Variants in RFX6 observed in about 807,000 individuals in gnomAD.
RFX6 encodes regulatory factor X6, also known as DNA-binding protein RFX6.
Under a neutral mutation model 110.8 loss-of-function variants are expected in RFX6, and 50 were observed. The ratio of observed to expected loss-of-function variants is 0.45; its 90% CI spans 0.36 to 0.57. The LOEUF (loss-of-function observed/expected upper bound fraction) is 0.57, where lower values mean the gene tolerates loss of function less well. RFX6 is among the 20% of genes least tolerant of loss of function. RFX6 has a pLI of 0.00. For missense variants in RFX6, 990 were observed against 1,127.0 expected, an observed-to-expected ratio of 0.88 and a Z score of 1.74; for synonymous variants, 383 against 411.2, an observed-to-expected ratio of 0.93 and a Z score of 0.83.
chr6:116,892,294 G>A (rs1774849118), intron 4 of RFX6, among the ~76,000 whole-genome samples: 1 of 152,202 alleles, frequency 6.6e-6, no homozygotes, highest in Non-Finnish European at 1.5e-5. Context: ...ACTTTGGGGG[G>A]CTCATTCTGG....
At chr6:116,909,013 C>T (rs2114686608) in intron 6 of RFX6, among the ~76,000 whole-genome samples, 1 of 151,716 alleles carries the variant, frequency 6.6e-6, no homozygotes, top group Non-Finnish European at 1.5e-5. Flanking sequence ...TTTCTATTGT[C>T]AGAAAAAAAT....
intron 3 of RFX6, 48 bp from the exon 4 acceptor site, chr6:116,882,319 T>G: frequency 7.1e-7 from 1 of 1,407,722 alleles, no homozygotes; most frequent in Non-Finnish European, 1.0e-6. Flanking sequence ...TGGCTTGCAT[T>G]AGGACCATAT....
chr6:116,877,265 C>A lies in RFX6; in HGVS notation c.-11C>A, dbSNP rs756368678. ...GAGCGGCGCGCGCGGAGGTGTCCGG[C>A]GGCCAGGAGGATGGCCAAGGTCCCG... On this transcript the variant is annotated 5_prime_UTR_variant, in exon 1 of 19. Coordinates refer to ENST00000332958, the MANE Select transcript of RFX6 (RefSeq NM_173560.4). 1.9e-6 allele frequency: 3 copies of A among 1,597,008 alleles called. No individual in the cohort carries two copies. The highest frequency in any genetic ancestry group is 2.7e-5 in the African/African-American group (2 of 74,428).
rs1775768083 is a variant in RFX6 at position 116,927,385 on chromosome 6, A to T, written c.2244A>T (p.Pro748=). The T allele has an allele frequency of 6.2e-7, 1 of 1,614,000 alleles. No individual in the cohort carries two copies. The highest frequency in any genetic ancestry group is 1.7e-5 in the Admixed American group (1 of 60,004). Residue 748 remains proline, a synonymous_variant, in exon 17 of 19, where the codon CCA becomes CCT. Coordinates refer to ENST00000332958, the MANE Select transcript of RFX6 (RefSeq NM_173560.4). The part of the protein sequence containing the change: ...DFFSGSCAGS[P]YNSRPPSSYG... Reference sequence around the variant, plus strand: ...TCAGTGGCAGCTGTGCGGGGTCTCCATATAACTCCCGGCCACCGTCTAGCT... The same window carrying T: ...TCAGTGGCAGCTGTGCGGGGTCTCCTTATAACTCCCGGCCACCGTCTAGCT...
chr6:116,926,373 C>G (rs1453014306), intron 16 of RFX6, among the ~76,000 whole-genome samples: 1 of 152,162 alleles, frequency 6.6e-6, no homozygotes, highest in Non-Finnish European at 1.5e-5. Context: ...GTCTAAGGTT[C>G]TCTTTGTGTC....
chr6:116,917,734 C>T (rs529426978), intron 9 of RFX6, among the ~76,000 whole-genome samples: 4 of 152,160 alleles, frequency 2.6e-5, no homozygotes, highest in East Asian at 1.9e-4. Context: ...AAATCTTCCT[C>T]CCACCTCTAG....
chr6:116,907,776 T>C (rs114638609), intron 6 of RFX6, among the ~76,000 whole-genome samples: 2,225 of 152,236 alleles, frequency 0.015, 49 homozygotes, highest in African/African-American at 0.051. Context: ...CTCTATACTC[T>C]TACTTAACTT....
In RFX6 at chr6:116,925,476, G is replaced by T. The variant is rs1339516588; in HGVS notation, c.1702G>T (p.Ala568Ser). 4 of 1,613,908 alleles carry T rather than the reference G, an allele frequency of 2.5e-6. No individual in the cohort carries two copies. Among genetic ancestry groups the T allele is most frequent in the African/African-American group, 2.7e-5 (2 of 74,906 alleles). Residue 568 changes from alanine (A) to serine (S), a missense_variant, in exon 16 of 19, where the codon GCT becomes TCT. Coordinates refer to ENST00000332958, the MANE Select transcript of RFX6 (RefSeq NM_173560.4). The stretch of plus-strand genomic sequence containing the variant: ...AGATGCGAGTAAAGCTGCTTTCACT[G>T]CTTCTCCGAGTTCATGCTTTCTGGC... ...NSDASKAAFT[A>S]SPSSCFLANR...
At chr6:116,899,942 AT>A (rs1416235132) in intron 6 of RFX6, among the ~76,000 whole-genome samples, 2 of 152,202 alleles carry the variant, frequency 1.3e-5, no homozygotes, top group African/African-American at 4.8e-5. Context: ...TACATAAAAA[AT>A]CCTATAAAAA....
chr6:116,930,112 C>T (rs528458531), intron 18 of RFX6, among the ~76,000 whole-genome samples: 3 of 152,210 alleles, frequency 2.0e-5, no homozygotes, highest in East Asian at 1.9e-4. Flanking sequence ...GAAGCTTTGA[C>T]GAAACATAGG....
chr6:116,909,735 C>CTTTTTTTTTTTT (rs59264999), intron 6 of RFX6, among the ~76,000 whole-genome samples: 8 of 67,378 alleles, frequency 1.2e-4, no homozygotes, highest in African/African-American at 4.2e-4. Flanking sequence ...TCATTTAAAT[C>CTTTTTTTTTTTT]TTTTTTTTTT....
rs1189774564 is a variant in RFX6 at position 116,877,505 on chromosome 6, G to T, written c.223+7G>T. ...CCGGGGGCAGTGAAATCAGGTGAGT[G>T]CTCTGCCGCATCCGGAGCTGGGAAG... On this transcript the variant is annotated splice_region_variant and intron_variant, in intron 1 of 18. Coordinates refer to ENST00000332958, the MANE Select transcript of RFX6 (RefSeq NM_173560.4). The T allele has an allele frequency of 6.5e-7, 1 of 1,547,170 alleles. No individual in the cohort carries two copies. The highest frequency in any genetic ancestry group is 1.2e-5 in the South Asian group (1 of 83,704).
chr6:116,918,879 G>C (rs1055127412), intron 10 of RFX6, among the ~76,000 whole-genome samples: 8 of 152,018 alleles, frequency 5.3e-5, no homozygotes, highest in Non-Finnish European at 1.2e-4. Flanking sequence ...ACTTGAAGTG[G>C]AGTTTGAAGA....
intron 11 of RFX6, among the ~76,000 whole-genome samples, chr6:116,919,530 T>C (rs1775546818): frequency 6.6e-6 from 1 of 150,524 alleles, no homozygotes; most frequent in African/African-American, 2.4e-5. Context: ...AATTTCATAA[T>C]TTGGGTAATA....
At position 116,918,646 on chromosome 6, in the gene RFX6, T is replaced by C. The variant is rs540702243; in HGVS notation, c.1023-491T>C. On this transcript the variant is annotated intron_variant, in intron 10 of 18. Transcript: ENST00000332958. ...TCTCTGAAAACAAAATCTAATGAAA[T>C]GATAAAATTTATTTTAGTATTTTGG... Among the ~76,000 whole-genome samples, 356 of 147,596 alleles carry C rather than the reference T, an allele frequency of 2.4e-3. 18 individuals are homozygous for C. In the South Asian group the frequency reaches 0.075, roughly 31 times the overall value.
At chr6:116,902,858 C>G (rs1205405318) in intron 6 of RFX6, among the ~76,000 whole-genome samples, 1 of 152,076 alleles carries the variant, frequency 6.6e-6, no homozygotes. Context: ...TTTGTCATCA[C>G]TTAGCCAAGC....
chr6:116,903,858 AT>A (rs35544877), intron 6 of RFX6, among the ~76,000 whole-genome samples: 13 of 149,752 alleles, frequency 8.7e-5, no homozygotes, highest in African/African-American at 2.4e-4. Flanking sequence ...GTGGATGGGA[AT>A]TTTTTTTTTG....
In RFX6 at chr6:116,911,009, C is replaced by T. The variant is rs201938108; in HGVS notation, c.747C>T (p.His249=). Residue 249 remains histidine, a synonymous_variant, in exon 7 of 19, where the codon CAC becomes CAT. Transcript: ENST00000332958. ...TTCCAGAATTCCCCAGCGCTCAACACCTTGTATACCAAGGATGCATTTCTA... is the reference window on the plus strand; with the variant it reads ...TTCCAGAATTCCCCAGCGCTCAACATCTTGTATACCAAGGATGCATTTCTA... ...TLLPEFPSAQ[H]LVYQGCISKD... The T allele has an allele frequency of 6.2e-7, 1 of 1,612,700 alleles. No individual in the cohort carries two copies. Among genetic ancestry groups the T allele is most frequent in the East Asian group, 2.2e-5 (1 of 44,824 alleles).
Position 116,928,746 on chromosome 6 carries a change from T to C in RFX6, c.2399-13T>C. 1 of 1,599,828 alleles carries C rather than the reference T, an allele frequency of 6.3e-7. No homozygotes were observed. The highest frequency in any genetic ancestry group is 8.6e-7 in the Non-Finnish European group (1 of 1,167,004). ...GTAAGTTAACAGCAAATTCTCAACA[T>C]TTTCTGTTACAGGATACTATGGAAG... On this transcript the variant is annotated splice_polypyrimidine_tract_variant and intron_variant, in intron 17 of 18. Transcript: ENST00000332958.
Sources: gnomAD v4.1 joint callset for allele counts (sites outside exome capture counted in the v4.1 genomes callset) on GRCh38, gnomAD v4.1.1 for gene constraint, MANE v1.5 for transcripts, NCBI Gene and HGNC (gene_info 2026-07-23, HGNC 2026-07-21) for gene names.